Variants in ARHGAP15 observed in about 807,000 individuals in gnomAD.
The protein encoded by ARHGAP15 is Rho GTPase activating protein 15, also known as rho GTPase-activating protein 15.
Under a neutral mutation model 63.7 loss-of-function variants are expected in ARHGAP15, and 51 were observed. The ratio of observed to expected loss-of-function variants is 0.80; its 90% confidence interval spans 0.64 to 1.01. The LOEUF is 1.01. Ranked by LOEUF, ARHGAP15 falls within the 50% of genes least tolerant of loss-of-function variation. The pLI is 0.00. For missense variants in ARHGAP15, 560 were observed against 564.6 expected (o/e 0.99, Z 0.08); for synonymous variants, 191 against 193.8 (o/e 0.99, Z 0.12).
chr2:143,221,694 A>G (rs1028485022), intron 4 of ARHGAP15, among the ~76,000 whole-genome samples: 1 of 152,202 alleles, frequency 6.6e-6, no homozygotes, highest in Non-Finnish European at 1.5e-5. Flanking sequence ...CTCGGCATCT[A>G]GGTCTTCCCG....
intron 11 of ARHGAP15, among the ~76,000 whole-genome samples, chr2:143,612,261 T>A (rs1698285688): frequency 6.6e-6 from 1 of 152,224 alleles, no homozygotes; most frequent in Non-Finnish European, 1.5e-5. Context: ...ACCTCTTTGC[T>A]AGAACAGTGG....
chr2:143,419,843 A>G (rs1558959127), intron 6 of ARHGAP15, among the ~76,000 whole-genome samples: 2 of 148,440 alleles, frequency 1.3e-5, no homozygotes, highest in Admixed American at 1.4e-4. Flanking sequence ...TTGCTTTAAT[A>G]TATTTTCCTA....
chr2:143,371,456 T>C (rs1042439403), intron 6 of ARHGAP15, among the ~76,000 whole-genome samples: 8 of 152,176 alleles, frequency 5.3e-5, no homozygotes, highest in Non-Finnish European at 7.3e-5. Context: ...ACCTACCTAT[T>C]TATCCATCTA....
intron 6 of ARHGAP15, among the ~76,000 whole-genome samples, chr2:143,258,138 T>C (rs1174894159): frequency 6.6e-6 from 1 of 151,932 alleles, no homozygotes; most frequent in Non-Finnish European, 1.5e-5. Context: ...CAGGATGAAA[T>C]AAAATTGAGT....
At chr2:143,671,184 T>C (rs1377677345) in intron 12 of ARHGAP15, among the ~76,000 whole-genome samples, 1 of 152,208 alleles carries the variant, frequency 6.6e-6, no homozygotes, top group African/African-American at 2.4e-5. Context: ...CGGTTTTCTT[T>C]TGAAGGGGTC....
intron 12 of ARHGAP15, among the ~76,000 whole-genome samples, chr2:143,661,584 A>T (rs910862229): frequency 2.0e-5 from 3 of 152,138 alleles, no homozygotes; most frequent in Admixed American, 6.5e-5. Context: ...AGATGGCCGA[A>T]TAGGAACAGC....
intron 11 of ARHGAP15, among the ~76,000 whole-genome samples, chr2:143,579,694 G>A (rs887630325): frequency 6.0e-5 from 8 of 133,530 alleles, no homozygotes; most frequent in Non-Finnish European, 7.7e-5. Context: ...TCTTTTTGTC[G>A]AGGGAAGAAT....
chr2:143,190,328 C>T (rs1207883357), intron 2 of ARHGAP15, among the ~76,000 whole-genome samples: 1 of 152,192 alleles, frequency 6.6e-6, no homozygotes, highest in Admixed American at 6.5e-5. Context: ...CATTATGAAG[C>T]TGACTTTTCA....
chr2:143,176,703 C>T (rs188383574), intron 2 of ARHGAP15, among the ~76,000 whole-genome samples: 1 of 152,234 alleles, frequency 6.6e-6, no homozygotes, highest in Admixed American at 6.5e-5. Context: ...ACTGATAAAC[C>T]ATCCCCAACT....
At chr2:143,292,131 T>C (rs756529110) in intron 6 of ARHGAP15, among the ~76,000 whole-genome samples, 3 of 152,042 alleles carry the variant, frequency 2.0e-5, no homozygotes, top group Non-Finnish European at 4.4e-5. Context: ...AAGCACATCC[T>C]ATTCTTATTT....
At chr2:143,177,196 C>T (rs1427152998) in intron 2 of ARHGAP15, among the ~76,000 whole-genome samples, 1 of 152,216 alleles carries the variant, frequency 6.6e-6, no homozygotes, top group Admixed American at 6.5e-5. Context: ...ACCTTTGCCT[C>T]TCTTTTATAT....
chr2:143,391,695 A>G (rs1687544101), intron 6 of ARHGAP15, among the ~76,000 whole-genome samples: 1 of 152,126 alleles, frequency 6.6e-6, no homozygotes, highest in African/African-American at 2.4e-5. Context: ...TTTCCTTCCC[A>G]CCATCACTTG....
At chr2:143,711,788 A>T (rs891583832) in intron 13 of ARHGAP15, among the ~76,000 whole-genome samples, 1 of 152,120 alleles carries the variant, frequency 6.6e-6, no homozygotes, top group African/African-American at 2.4e-5. Flanking sequence ...AATTAGCCAG[A>T]CATTGTGGCA....
chr2:143,286,527 A>T (rs1682110948), intron 6 of ARHGAP15, among the ~76,000 whole-genome samples: 1 of 152,234 alleles, frequency 6.6e-6, no homozygotes, highest in South Asian at 2.1e-4. Context: ...GTGCATCTGC[A>T]TGTGAGTGTG....
chr2:143,265,760 T>C (rs1344876350), intron 6 of ARHGAP15, among the ~76,000 whole-genome samples: 1 of 152,078 alleles, frequency 6.6e-6, no homozygotes, highest in Non-Finnish European at 1.5e-5. Context: ...TCCCAAAATA[T>C]ATAAACAAAA....
At chr2:143,564,737 T>C (rs1241440237) in intron 11 of ARHGAP15, among the ~76,000 whole-genome samples, 4 of 152,220 alleles carry the variant, frequency 2.6e-5, no homozygotes, top group African/African-American at 9.6e-5. Flanking sequence ...TCAAAAACTT[T>C]TATGAACTGC....
chr2:143,350,976 G>A (rs558466182), intron 6 of ARHGAP15: 11 of 151,624 alleles, frequency 7.3e-5, no homozygotes, highest in African/African-American at 2.7e-4. Flanking sequence ...ATCTATTATA[G>A]TATGTAAGTA....
chr2:143,327,493 A>G (rs1684309829), intron 6 of ARHGAP15, among the ~76,000 whole-genome samples: 1 of 152,194 alleles, frequency 6.6e-6, no homozygotes, highest in Non-Finnish European at 1.5e-5. Context: ...CTGACTTCAA[A>G]CTATACTACA....
At chr2:143,379,485 ATATGTGTGTGTGTGTGTGTG>A (rs1686963879) in intron 6 of ARHGAP15, among the ~76,000 whole-genome samples, 1 of 90,096 alleles carries the variant, frequency 1.1e-5, no homozygotes, top group Non-Finnish European at 2.5e-5. Flanking sequence ...TTAGGCATAT[ATATGTGTGTGTGTGTGTGTG>A]TGTGTGTGTG....
Sources: gnomAD v4.1 joint callset for allele counts (sites outside exome capture counted in the v4.1 genomes callset) on GRCh38, gnomAD v4.1.1 for gene constraint, MANE v1.5 for transcripts, NCBI Gene and HGNC (gene_info 2026-07-23, HGNC 2026-07-21) for gene names.